The following ANGEL1 variants were observed in gnomAD, a reference collection of about 807,000 sequenced individuals.
ANGEL1 encodes angel homolog 1, also known as RNA 2',3'-cyclic phosphatase ANGEL1.
In ANGEL1, 62 loss-of-function variants were observed where a neutral mutation model predicts 76.4. The ratio of observed to expected loss-of-function variants is 0.81; its 90% CI spans 0.66 to 1.00. The LOEUF is 1.00. Among genes scored for constraint, ANGEL1 ranks in the 50% least tolerant of loss-of-function variants. The pLI is 0.00. For synonymous variants in ANGEL1, 340 were observed against 331.7 expected (o/e 1.03, Z -0.27); for missense variants, 737 against 836.7 (o/e 0.88, Z 1.47).
At chr14:76,791,531 A>G (rs376487409) in intron 7 of ANGEL1, among the ~76,000 whole-genome samples, 165 bp from the exon 8 acceptor site, 28 of 152,242 alleles carry the variant, frequency 1.8e-4, no homozygotes, top group African/African-American at 6.5e-4. Context: ...CCATAAACCA[A>G]AGTCAAGAAC....
chr14:76,810,355 C>T, intron 1 of ANGEL1: 1 of 368,602 alleles, frequency 2.7e-6, no homozygotes, highest in Non-Finnish European at 5.6e-6. Flanking sequence ...CAGGTTGACG[C>T]TGCAGTGAGC....
At chr14:76,793,430 GA>G (rs1566695877) in intron 7 of ANGEL1, among the ~76,000 whole-genome samples, 38 of 94,976 alleles carry the variant, frequency 4.0e-4, no homozygotes, top group Non-Finnish European at 7.3e-4. Flanking sequence ...GAGAGGGGAG[GA>G]GGAGGAGGAG....
chr14:76,793,379 AGGAGAGGGGAGAGGAGG>A (rs1346462137), intron 7 of ANGEL1, among the ~76,000 whole-genome samples: 1 of 69,346 alleles, frequency 1.4e-5, no homozygotes, highest in Non-Finnish European at 2.7e-5. Flanking sequence ...GAGGGGAAAG[AGGAGAGGGGAGAGGAGG>A]GGAGAGGGGA....
intron 7 of ANGEL1, among the ~76,000 whole-genome samples, chr14:76,798,661 T>C (rs552401968): frequency 5.5e-4 from 84 of 151,710 alleles, no homozygotes; most frequent in African/African-American, 2.0e-3. Flanking sequence ...ACAAAGGGGG[T>C]TGGGAGCTGG....
chr14:76,789,121 G>T lies in ANGEL1; in HGVS notation c.*107C>A. The T allele has an allele frequency of 7.2e-7, 1 of 1,383,602 alleles. No individual in the cohort carries two copies. Among genetic ancestry groups the T allele is most frequent in the Non-Finnish European group, 9.9e-7 (1 of 1,007,948 alleles). 85.7% of individuals were successfully genotyped at this position (1,383,602 alleles called of 1,614,324 possible). A position where few individuals can be genotyped will look rare whatever the true frequency, so the allele number is the denominator to read the frequency against. On this transcript the variant is annotated 3_prime_UTR_variant, in exon 10 of 10. Transcript: ENST00000251089. ...AGGGAACGAGGAGGGGGAAGGGAGG[G>T]GATGTAAGTTTCTTGGATCTAAGTT...
chr14:76,790,519 A>G (rs1423537937), intron 9 of ANGEL1, 92 bp downstream of exon 9: 4 of 1,519,908 alleles, frequency 2.6e-6, no homozygotes, highest in Non-Finnish European at 3.5e-6. Flanking sequence ...GTTAAATCCC[A>G]GCAGCTGAAG....
rs745439246 is a variant in ANGEL1, at chr14:76,809,304, G to A, written c.404C>T (p.Pro135Leu). 1.1e-5 allele frequency: 18 copies of A among 1,614,004 alleles called. No individual in the cohort carries two copies. The highest frequency in any genetic ancestry group is 1.4e-5 in the Non-Finnish European group (16 of 1,179,982). Residue 135 changes from proline to leucine, a missense_variant, in exon 2 of 10, where the codon CCA (proline) becomes CTA (leucine). Pro to Leu is a moderately conservative substitution (Grantham distance 98). Transcript: ENST00000251089. ...EPFPEMLGEE[P>L]LLEVEGVEGS... The stretch of plus-strand genomic sequence containing the variant: ...CTCCACCCCCTCCACCTCCAGCAGT[G>A]GCTCCTCTCCTAGCATCTCAGGGAA...
At position 76,786,625 on chromosome 14, in the gene ANGEL1, T is replaced by G. The variant is rs997829939; in HGVS notation, c.*2603A>C. The G allele has an allele frequency of 6.6e-6, 1 of 152,190 alleles. No individual in the cohort carries two copies. Among genetic ancestry groups the G allele is most frequent in the African/African-American group, 2.4e-5 (1 of 41,450 alleles). 9.4% of individuals were successfully genotyped at this position (152,190 alleles called of 1,614,324 possible). On this transcript the variant is annotated 3_prime_UTR_variant, in exon 10 of 10. Coordinates refer to ENST00000251089, the MANE Select transcript of ANGEL1 (RefSeq NM_015305.4). ...GGTAAGACAGAAAACCAGATCTGGT[T>G]TCAGGGCTCCCAGTGGGCATGTGGG...
rs182962908 is a variant in ANGEL1, at chr14:76,787,257, G to A, written c.*1971C>T. On this transcript the variant is annotated 3_prime_UTR_variant, in exon 10 of 10. Transcript: ENST00000251089. ...AATGAACAACATTGGGGGGAAAAAA[G>A]GTAAACCTTTATTTGGAAAAAGAGT... The A allele has an allele frequency of 3.3e-5, 5 of 152,150 alleles. No individual in the cohort carries two copies. The South Asian group carries it at 1.0e-3, about 32-fold the overall frequency. The allele number at this position is 152,150 out of a possible 1,614,324, so 9.4% of individuals were successfully genotyped here. A position where few individuals can be genotyped will look rare whatever the true frequency, so the allele number is the denominator to read the frequency against.
intron 7 of ANGEL1, among the ~76,000 whole-genome samples, chr14:76,800,061 T>C (rs1429503270): frequency 6.6e-6 from 1 of 152,208 alleles, no homozygotes; most frequent in Non-Finnish European, 1.5e-5. Flanking sequence ...ACTGTTATTT[T>C]GCACCGCTGG....
At chr14:76,803,241 C>T (rs1015747177) in intron 7 of ANGEL1, 130 bp downstream of exon 7, 1 of 742,652 alleles carries the variant, frequency 1.3e-6, no homozygotes, top group Admixed American at 2.9e-5. Flanking sequence ...AACCTTCCTT[C>T]TAAATATACG....
chr14:76,803,684 A>G (rs1280084911), intron 6 of ANGEL1, 102 bp downstream of exon 6: 2 of 1,492,614 alleles, frequency 1.3e-6, no homozygotes, highest in African/African-American at 2.8e-5. Flanking sequence ...GGAATCTGCT[A>G]AGAGAAATGA....
At position 76,786,588 on chromosome 14, in the gene ANGEL1, G is replaced by A. The variant is rs1163347300; in HGVS notation, c.*2640C>T. On this transcript the variant is annotated 3_prime_UTR_variant, in exon 10 of 10. Coordinates refer to ENST00000251089, the MANE Select transcript of ANGEL1 (RefSeq NM_015305.4). ...ATTCAGAGGCCTGGTGTGGGTTCTG[G>A]GAACCTGTTCAGGTAAGACAGAAAA... is the stretch of plus-strand genomic sequence containing the variant. 1 of 152,200 alleles carries A rather than the reference G, an allele frequency of 6.6e-6. No homozygotes were observed. The highest frequency in any genetic ancestry group is 1.5e-5 in the Non-Finnish European group (1 of 68,068). 9.4% of individuals were successfully genotyped at this position (152,200 alleles called of 1,614,324 possible). A position where few individuals can be genotyped will look rare whatever the true frequency, so the allele number is the denominator to read the frequency against.
In ANGEL1 at chr14:76,790,427, G is replaced by A. The variant is rs371859350; in HGVS notation, c.1852+184C>T. ...CTCTTTAATGCTGCAAGGGTAAAAA[G>A]AGACAAGGCAGGCAAGTGGCCTATG... On this transcript the variant is annotated intron_variant, in intron 9 of 9. Transcript: ENST00000251089. Among the ~76,000 whole-genome samples the A allele has an allele frequency of 6.0e-4, 92 of 152,320 alleles. 1 individual carries two copies. The highest frequency in any genetic ancestry group is 2.1e-3 in the African/African-American group (89 of 41,560).
In ANGEL1 at chr14:76,803,493, GAA is replaced by G; in HGVS notation, c.1508-14_1508-13del. 1 of 1,613,228 alleles carries G rather than the reference GAA, an allele frequency of 6.2e-7. No individual in the cohort carries two copies. Among genetic ancestry groups the G allele is most frequent in the Non-Finnish European group, 8.5e-7 (1 of 1,179,232 alleles). ...ATACTTGCGTCTCTCTGTAAACCAGGAAAAGACATATAGTGAAAGAAAGACGA... is the reference window on the plus strand; with the variant it reads ...ATACTTGCGTCTCTCTGTAAACCAGGAAGACATATAGTGAAAGAAAGACGA... On this transcript the variant is annotated splice_polypyrimidine_tract_variant and intron_variant, in intron 6 of 9. Transcript: ENST00000251089.
At position 76,787,245 on chromosome 14, in the gene ANGEL1, G is replaced by A. The variant is rs943536418; in HGVS notation, c.*1983C>T. On this transcript the variant is annotated 3_prime_UTR_variant, in exon 10 of 10. Transcript: ENST00000251089. ...GGATCCTAATAAAATGAACAACATTGGGGGGAAAAAAGGTAAACCTTTATT... is the reference window on the plus strand; with the variant it reads ...GGATCCTAATAAAATGAACAACATTAGGGGGAAAAAAGGTAAACCTTTATT... The A allele has an allele frequency of 1.3e-5, 2 of 151,936 alleles. No homozygotes were observed. Among genetic ancestry groups the A allele is most frequent in the African/African-American group, 4.8e-5 (2 of 41,364 alleles). 9.4% of individuals were successfully genotyped at this position (151,936 alleles called of 1,614,324 possible).
At position 76,809,359 on chromosome 14, in the gene ANGEL1, G is replaced by C. The variant is rs201390732; in HGVS notation, c.349C>G (p.Leu117Val). 1.2e-6 allele frequency: 2 copies of C among 1,614,242 alleles called. No individual in the cohort carries two copies. The highest frequency in any genetic ancestry group is 3.3e-5 in the Admixed American group (2 of 60,036). The change falls in exon 2 of 10, where the codon CTT (leucine) becomes GTT (valine). Residue 117 changes from leucine (L) to valine (V), a missense_variant. Coordinates refer to ENST00000251089, the MANE Select transcript of ANGEL1 (RefSeq NM_015305.4). ...DRWSSRQLSD[L>V]RAAENLDEPF... The stretch of plus-strand genomic sequence containing the variant: ...TCATCCAGGTTCTCTGCAGCCCGAA[G>C]GTCACTCAGCTGCCTGCTGGACCAC...
Position 76,789,140 on chromosome 14 carries a change from C to A in ANGEL1, c.*88G>T. 4.0e-6 allele frequency: 6 copies of A among 1,516,306 alleles called. No homozygotes were observed. Among genetic ancestry groups the A allele is most frequent in the Non-Finnish European group, 5.4e-6 (6 of 1,118,422 alleles). The allele number at this position is 1,516,306 out of a possible 1,614,324, so 93.9% of individuals were successfully genotyped here. A position where few individuals can be genotyped will look rare whatever the true frequency, so the allele number is the denominator to read the frequency against. ...GGGAGGGGATGTAAGTTTCTTGGAT[C>A]TAAGTTTCTAGATGCATGGGATTTT... On this transcript the variant is annotated 3_prime_UTR_variant, in exon 10 of 10. Coordinates refer to ENST00000251089, the MANE Select transcript of ANGEL1 (RefSeq NM_015305.4).
In ANGEL1 at chr14:76,791,411, T is replaced by G. The variant is rs1241632840; in HGVS notation, c.1619-45A>C. On this transcript the variant is annotated intron_variant, in intron 7 of 9. Coordinates refer to ENST00000251089, the MANE Select transcript of ANGEL1 (RefSeq NM_015305.4). ...AAAACATTTTCTCATCCACAGACAG[T>G]GAAGCAGGATCAGAACCTTTCACCC... The G allele has an allele frequency of 3.2e-6, 5 of 1,579,672 alleles. No individual in the cohort carries two copies. The South Asian group carries it at 5.6e-5, about 18-fold the overall frequency.
Sources: allele counts gnomAD v4.1 joint callset (sites outside exome capture counted in the v4.1 genomes callset), GRCh38; gene constraint gnomAD v4.1.1; transcripts MANE v1.5; gene names NCBI Gene and HGNC (gene_info 2026-07-23, HGNC 2026-07-21).